ETV6: variants seen among roughly 807,000 people sequenced by gnomAD.
The protein encoded by ETV6 is transcription factor ETV6.
A neutral mutation model predicts 51.1 loss-of-function variants in ETV6; 16 were observed. That is an observed-to-expected ratio of 0.31 (90% CI 0.21 to 0.48). The LOEUF is 0.48. Among genes scored for constraint, ETV6 ranks in the 20% least tolerant of loss-of-function variants. The pLI, the probability that ETV6 is intolerant of heterozygous loss-of-function variation, is 0.99. For synonymous variants in ETV6, 240 were observed against 224.1 expected (o/e 1.07, Z -0.64); for missense variants, 458 against 594.8 (o/e 0.77, Z 2.39).
chr12:11,765,197 A>C (rs950073382), intron 2 of ETV6, among the ~76,000 whole-genome samples: 9 of 152,222 alleles, frequency 5.9e-5, no homozygotes, highest in African/African-American at 2.2e-4. Flanking sequence ...TTAGTGAACT[A>C]TATGACTCTC....
chr12:11,776,022 G>A (rs1945318776), intron 2 of ETV6, among the ~76,000 whole-genome samples: 1 of 152,184 alleles, frequency 6.6e-6, no homozygotes, highest in African/African-American at 2.4e-5. Flanking sequence ...CATCAAGCCT[G>A]CTAATTGTGC....
At chr12:11,819,122 T>C (rs545293868) in intron 2 of ETV6, among the ~76,000 whole-genome samples, 1 of 152,262 alleles carries the variant, frequency 6.6e-6, no homozygotes, top group Admixed American at 6.5e-5. Flanking sequence ...CTACCACAAA[T>C]CTGGTTCCTC....
intron 1 of ETV6, among the ~76,000 whole-genome samples, chr12:11,685,590 A>G (rs922754283): frequency 6.6e-6 from 1 of 152,182 alleles, no homozygotes; most frequent in South Asian, 2.1e-4. Flanking sequence ...TACAAAAACC[A>G]GCAATACACA....
chr12:11,808,321 C>T (rs1945860316), intron 2 of ETV6, among the ~76,000 whole-genome samples: 1 of 152,034 alleles, frequency 6.6e-6, no homozygotes, highest in African/African-American at 2.4e-5. Flanking sequence ...CCATTTCCCC[C>T]ATGGGATACA....
chr12:11,688,730 C>T (rs1410019878), intron 1 of ETV6, among the ~76,000 whole-genome samples: 1 of 152,140 alleles, frequency 6.6e-6, no homozygotes, highest in East Asian at 1.9e-4. Context: ...CGTGTGGAGA[C>T]CCTACTAAGA....
intron 2 of ETV6, among the ~76,000 whole-genome samples, chr12:11,769,456 A>G (rs1168668086): frequency 6.6e-6 from 1 of 152,072 alleles, no homozygotes; most frequent in Non-Finnish European, 1.5e-5. Flanking sequence ...AAAAAAAACG[A>G]TTTTGATGGT....
In ETV6 at chr12:11,731,182, G is replaced by A. The variant is rs976986417; in HGVS notation, c.34-21268G>A. ...AGTCATGACTAAGTCTAGAAAGGCA[G>A]GTTTTGATCTTTAGGATACTGTGAT... On this transcript the variant is annotated intron_variant, in intron 1 of 7. Coordinates refer to ENST00000396373, the MANE Select transcript of ETV6 (RefSeq NM_001987.5). Among the ~76,000 whole-genome samples, 5 of 152,312 alleles carry A rather than the reference G, an allele frequency of 3.3e-5. No individual in the cohort carries two copies. In the South Asian group the frequency reaches 1.0e-3, roughly 32 times the overall value.
chr12:11,773,793 G>T (rs1010207481), intron 2 of ETV6, among the ~76,000 whole-genome samples: 1 of 152,206 alleles, frequency 6.6e-6, no homozygotes, highest in African/African-American at 2.4e-5. Flanking sequence ...CCCCAAGTCT[G>T]GGAAGGCGGT....
intron 4 of ETV6, among the ~76,000 whole-genome samples, chr12:11,866,784 T>C (rs907156765): frequency 6.6e-6 from 1 of 152,248 alleles, no homozygotes. Context: ...TGCTTTTCAC[T>C]GAACTCCAAA....
At chr12:11,794,453 G>A (rs894112766) in intron 2 of ETV6, among the ~76,000 whole-genome samples, 4 of 152,136 alleles carry the variant, frequency 2.6e-5, no homozygotes, top group Admixed American at 6.5e-5. Context: ...TGCTGCCTCC[G>A]TACTCAGAGA....
intron 2 of ETV6, among the ~76,000 whole-genome samples, chr12:11,763,227 C>G (rs1159097654): frequency 4.6e-5 from 7 of 152,232 alleles, no homozygotes; most frequent in Non-Finnish European, 1.5e-5. Flanking sequence ...GTGAAGCCAC[C>G]TCACAAAGTC....
At chr12:11,805,525 A>G (rs1264215490) in intron 2 of ETV6, among the ~76,000 whole-genome samples, 1 of 152,208 alleles carries the variant, frequency 6.6e-6, no homozygotes, top group Non-Finnish European at 1.5e-5. Flanking sequence ...AAATACAGAA[A>G]TCTGGTCTGG....
chr12:11,671,044 C>G (rs1262546299), intron 1 of ETV6, among the ~76,000 whole-genome samples: 1 of 152,136 alleles, frequency 6.6e-6, no homozygotes, highest in African/African-American at 2.4e-5. Context: ...TTAAAGGTTC[C>G]TGGGGCTTTC....
chr12:11,708,625 TG>T (rs1358321513), intron 1 of ETV6, among the ~76,000 whole-genome samples: 1 of 152,202 alleles, frequency 6.6e-6, no homozygotes, highest in African/African-American at 2.4e-5. Context: ...GGATGGACAT[TG>T]TTTCATTCTA....
chr12:11,734,304 T>C (rs1351396243), intron 1 of ETV6, among the ~76,000 whole-genome samples: 1 of 152,106 alleles, frequency 6.6e-6, no homozygotes, highest in Non-Finnish European at 1.5e-5. Flanking sequence ...TGCTGAGCCA[T>C]CTCGGAAATG....
intron 1 of ETV6, among the ~76,000 whole-genome samples, chr12:11,690,498 G>A (rs917011380): frequency 2.6e-5 from 4 of 151,956 alleles, no homozygotes; most frequent in African/African-American, 9.7e-5. Context: ...GACTGAGGTG[G>A]GAGAATCACT....
intron 2 of ETV6, among the ~76,000 whole-genome samples, chr12:11,770,719 T>C (rs1421592422): frequency 6.6e-6 from 1 of 152,204 alleles, no homozygotes; most frequent in Non-Finnish European, 1.5e-5. Context: ...GAATGCCTTT[T>C]TGACTTCCGT....
intron 1 of ETV6, among the ~76,000 whole-genome samples, chr12:11,702,877 G>A (rs1037407504): frequency 5.3e-5 from 8 of 152,164 alleles, no homozygotes; most frequent in African/African-American, 1.7e-4. Flanking sequence ...AGGCTGAGCC[G>A]GGTAGATCGC....
At chr12:11,755,186 G>C (rs1016448535) in intron 2 of ETV6, among the ~76,000 whole-genome samples, 1 of 152,172 alleles carries the variant, frequency 6.6e-6, no homozygotes, top group Non-Finnish European at 1.5e-5. Flanking sequence ...TCTAATTGCT[G>C]TTCTGTCTGT....
Sources: gnomAD v4.1 joint callset for allele counts (sites outside exome capture counted in the v4.1 genomes callset) on GRCh38, gnomAD v4.1.1 for gene constraint, MANE v1.5 for transcripts, NCBI Gene and HGNC (gene_info 2026-07-23, HGNC 2026-07-21) for gene names.